Variants in MYO16 observed in about 807,000 individuals in gnomAD.
MYO16 encodes the protein unconventional myosin-XVI.
In MYO16, 94 loss-of-function variants were observed where a neutral mutation model predicts 205.3. The ratio of observed to expected loss-of-function variants is 0.46; its 90% CI spans 0.39 to 0.54. The LOEUF (loss-of-function observed/expected upper bound fraction) is 0.54, where lower values mean the gene tolerates loss of function less well. Ranked by LOEUF, MYO16 falls within the 20% of genes least tolerant of loss-of-function variation. The pLI is 0.00. For missense variants in MYO16, 2,315 were observed against 2,387.5 expected, an observed-to-expected ratio of 0.97 and a Z score of 0.63; for synonymous variants, 988 against 954.0, an observed-to-expected ratio of 1.04 and a Z score of -0.66.
In MYO16 at chr13:108,712,607, C is replaced by T. The variant is rs1883763526; in HGVS notation, c.293-54C>T. On this transcript the variant is annotated intron_variant, in intron 2 of 34. Coordinates refer to ENST00000457511, the MANE Select transcript of MYO16 (RefSeq NM_001198950.3). Reference sequence around the variant, plus strand: ...TAACGAAAGCCTACACATTTGGTTCCACACGTGGAAGAAGGACTCTCTGTA... The same window carrying T: ...TAACGAAAGCCTACACATTTGGTTCTACACGTGGAAGAAGGACTCTCTGTA... 3 of 1,510,514 alleles carry T rather than the reference C, an allele frequency of 2.0e-6. No individual in the cohort carries two copies. The South Asian group carries it at 3.4e-5, about 17-fold the overall frequency. The allele number at this position is 1,510,514 out of a possible 1,614,324, so 93.6% of individuals were successfully genotyped here. A position where few individuals can be genotyped will look rare whatever the true frequency, so the allele number is the denominator to read the frequency against.
At chr13:108,809,756 C>T (rs966438235) in intron 7 of MYO16, among the ~76,000 whole-genome samples, 1 of 152,194 alleles carries the variant, frequency 6.6e-6, no homozygotes, top group South Asian at 2.1e-4. Context: ...CAAACTATAT[C>T]AGGCATTATG....
chr13:109,026,812 C>T lies in MYO16; in HGVS notation c.2796+6901C>T, dbSNP rs147728814. Among the ~76,000 whole-genome samples the T allele has an allele frequency of 1.8e-3, 272 of 152,260 alleles. 2 individuals carry two copies. Among genetic ancestry groups the T allele is most frequent in the Middle Eastern group, 0.01 (3 of 294 alleles). ...TCTGAATTTCCTTGATCTCATTTTG[C>T]CCTACTCAATAATGATTCCTGAAGC... is the stretch of plus-strand genomic sequence containing the variant. On this transcript the variant is annotated intron_variant, in intron 23 of 34. Transcript: ENST00000457511.
chr13:108,715,004 G>T (rs1883885631), intron 3 of MYO16, among the ~76,000 whole-genome samples: 1 of 152,060 alleles, frequency 6.6e-6, no homozygotes, highest in Non-Finnish European at 1.5e-5. Flanking sequence ...TCACAGCCGG[G>T]TCGTGTCACT....
intron 27 of MYO16, among the ~76,000 whole-genome samples, chr13:109,061,800 G>T (rs1425881239): frequency 2.0e-5 from 3 of 151,660 alleles, no homozygotes; most frequent in Middle Eastern, 3.4e-3. Context: ...TGTGAAAAAT[G>T]CAATGTCTGC....
intron 16 of MYO16, among the ~76,000 whole-genome samples, chr13:108,937,883 G>C (rs890193147): frequency 1.3e-5 from 2 of 152,070 alleles, no homozygotes; most frequent in African/African-American, 4.8e-5. Flanking sequence ...TGTCATTTCT[G>C]ACTTTCCATT....
chr13:108,570,248 T>G, the MYO16 span, among the ~76,000 whole-genome samples: 3 of 152,108 alleles, frequency 2.0e-5, 1 homozygote, highest in South Asian at 4.2e-4. Context: ...TTTTCCTTTT[T>G]TCTTTCTTTC....
chr13:109,183,217 C>T lies in MYO16; in HGVS notation c.5415+3584C>T, dbSNP rs151156163. Among the ~76,000 whole-genome samples, 22 of 152,182 alleles carry T rather than the reference C, an allele frequency of 1.4e-4. No individual in the cohort carries two copies. The East Asian group carries it at 3.5e-3, about 24-fold the overall frequency. On this transcript the variant is annotated intron_variant, in intron 34 of 34. Coordinates refer to ENST00000457511, the MANE Select transcript of MYO16 (RefSeq NM_001198950.3). ...AGTAACTCGGTGGTGAGAAGCTAAGCGGCGGTGGGGGGGAATGCTGACAGC... is the reference window on the plus strand; with the variant it reads ...AGTAACTCGGTGGTGAGAAGCTAAGTGGCGGTGGGGGGGAATGCTGACAGC...
intron 34 of MYO16, among the ~76,000 whole-genome samples, chr13:109,179,958 G>T (rs1029824365): frequency 1.3e-5 from 2 of 152,144 alleles, no homozygotes; most frequent in African/African-American, 4.8e-5. Flanking sequence ...GAATGAAGTT[G>T]CTATGCATTT....
chr13:108,610,815 G>A (rs1043793037), intron 1 of MYO16, among the ~76,000 whole-genome samples: 1 of 152,132 alleles, frequency 6.6e-6, no homozygotes, highest in African/African-American at 2.4e-5. Flanking sequence ...AGATAGAATT[G>A]CAGAATGGTT....
the MYO16 span, among the ~76,000 whole-genome samples, chr13:108,507,011 T>A: frequency 6.6e-6 from 1 of 152,192 alleles, no homozygotes; most frequent in Non-Finnish European, 1.5e-5. Flanking sequence ...TGTTGAACCA[T>A]CCTTACATTA....
chr13:108,798,762 G>A (rs1442415379), intron 6 of MYO16, among the ~76,000 whole-genome samples: 1 of 125,702 alleles, frequency 8.0e-6, no homozygotes, highest in Non-Finnish European at 1.6e-5. Flanking sequence ...GCGGACTGCA[G>A]TGGCGGAATC....
chr13:108,661,726 A>C lies in MYO16; in HGVS notation c.29-4160A>C, dbSNP rs1425242971. Among the ~76,000 whole-genome samples the C allele has an allele frequency of 2.6e-5, 4 of 151,778 alleles. No individual in the cohort carries two copies. The East Asian group carries it at 7.7e-4, about 29-fold the overall frequency. ...TTGGATTTCCTTGCATTGGGCTTTC[A>C]CTTTCTCTGGTCTCTCCCTGATTAG... On this transcript the variant is annotated intron_variant, in intron 1 of 34. Coordinates refer to ENST00000457511, the MANE Select transcript of MYO16 (RefSeq NM_001198950.3).
At chr13:109,024,485 A>ATTG (rs146789441) in intron 23 of MYO16, among the ~76,000 whole-genome samples, 2,573 of 152,264 alleles carry the variant, frequency 0.017, 75 homozygotes, top group African/African-American at 0.059. Context: ...AGTTTAAAAA[A>ATTG]TTGTACATTC....
At chr13:108,556,462 C>G in the MYO16 span, among the ~76,000 whole-genome samples, 1 of 152,022 alleles carries the variant, frequency 6.6e-6, no homozygotes, top group Non-Finnish European at 1.5e-5. Context: ...GATCCTTTGC[C>G]CATTTTAAAC....
intron 15 of MYO16, among the ~76,000 whole-genome samples, chr13:108,898,733 A>T (rs1029778549): frequency 6.6e-6 from 1 of 152,146 alleles, no homozygotes; most frequent in Non-Finnish European, 1.5e-5. Flanking sequence ...TTCGTATTTG[A>T]TTTAAATACT....
the MYO16 span, among the ~76,000 whole-genome samples, chr13:108,500,167 T>A: frequency 1.3e-5 from 2 of 149,966 alleles, no homozygotes; most frequent in Non-Finnish European, 1.5e-5. Context: ...ATCTTGATTG[T>A]TCTCTCTAGG....
intron 24 of MYO16, among the ~76,000 whole-genome samples, chr13:109,051,760 A>ATTTGT (rs958240777): frequency 3.3e-5 from 5 of 151,848 alleles, no homozygotes; most frequent in East Asian, 1.9e-4. Context: ...GTTTTTTGTT[A>ATTTGT]TTTGTTTTGT....
chr13:108,799,615 G>A (rs1363178336), intron 6 of MYO16, among the ~76,000 whole-genome samples: 3 of 152,106 alleles, frequency 2.0e-5, no homozygotes, highest in African/African-American at 4.8e-5. Flanking sequence ...TTAAGGAGTC[G>A]AAGAAAATAA....
At chr13:108,638,015 C>T (rs766898936) in intron 1 of MYO16, among the ~76,000 whole-genome samples, 4 of 152,038 alleles carry the variant, frequency 2.6e-5, no homozygotes, top group African/African-American at 9.7e-5. Context: ...ATGGCATCAA[C>T]TAATGTGAGA....
Sources: allele counts gnomAD v4.1 joint callset (sites outside exome capture counted in the v4.1 genomes callset), GRCh38; gene constraint gnomAD v4.1.1; transcripts MANE v1.5; gene names NCBI Gene and HGNC (gene_info 2026-07-23, HGNC 2026-07-21).